SRP72: variants seen among roughly 807,000 people sequenced by gnomAD.
The protein encoded by SRP72 is signal recognition particle subunit SRP72.
In SRP72, 49 loss-of-function variants were observed where a neutral mutation model predicts 96.3. That is an observed-to-expected ratio of 0.51 (90% confidence interval 0.40 to 0.65). SRP72 has a LOEUF of 0.65. Ranked by LOEUF, SRP72 falls within the 30% of genes least tolerant of loss-of-function variation. The pLI is 0.00. For synonymous variants in SRP72, 267 were observed against 275.2 expected (o/e 0.97, Z 0.30); for missense variants, 736 against 793.3 (o/e 0.93, Z 0.87).
Position 56,483,195 on chromosome 4 carries a change from A to C in SRP72, c.882A>C (p.Val294=). The C allele has an allele frequency of 1.9e-6, 3 of 1,612,186 alleles. No individual in the cohort carries two copies. Among genetic ancestry groups the C allele is most frequent in the Non-Finnish European group, 2.5e-6 (3 of 1,179,778 alleles). The change falls in exon 9 of 19, where the codon GTA becomes GTC. Residue 294 remains valine, a synonymous_variant. Transcript: ENST00000642900. ...KKVKLTNAEG[V]EFKLSKKQLQ... ...TGAAATTAACCAATGCGGAAGGAGT[A>C]GAGTTTAAGCTTTCCAAGAAACAAC...
At chr4:56,487,922 A>G (rs1348574114) in intron 11 of SRP72, 27 bp from the exon 12 acceptor site, 1 of 1,533,642 alleles carries the variant, frequency 6.5e-7, no homozygotes, top group African/African-American at 1.4e-5. Flanking sequence ...TCTTCTATGT[A>G]ATGCTGATTT....
intron 2 of SRP72, 57 bp from the exon 3 acceptor site, chr4:56,471,654 TTGTATATAA>T: frequency 6.4e-7 from 1 of 1,568,016 alleles, no homozygotes; most frequent in South Asian, 1.2e-5. Context: ...TAGAGTGGTG[TTGTATATAA>T]TGGGTGCATT....
intron 6 of SRP72, 116 bp downstream of exon 6, chr4:56,476,818 G>T: frequency 9.4e-7 from 1 of 1,064,530 alleles, no homozygotes. Flanking sequence ...CATTAAGTAG[G>T]AATCACACTA....
At chr4:56,494,790 T>C (rs1489074911) in intron 16 of SRP72, among the ~76,000 whole-genome samples, 1 of 152,108 alleles carries the variant, frequency 6.6e-6, no homozygotes, top group Non-Finnish European at 1.5e-5. Context: ...TTAATATAGA[T>C]TTTACTTACA....
At position 56,488,595 on chromosome 4, in the gene SRP72, C is replaced by T. The variant is rs145810273; in HGVS notation, c.1224+582C>T. On this transcript the variant is annotated intron_variant, in intron 12 of 18. Coordinates refer to ENST00000642900, the MANE Select transcript of SRP72 (RefSeq NM_006947.4). ...TAAGGATCGTGCTATAATTACTTTA[C>T]CTTAGAGTCAAATACAGTATATGAC... 4.7e-4 allele frequency among the ~76,000 whole-genome samples: 72 copies of T among 152,134 alleles called. 1 individual carries two copies. The East Asian group carries it at 0.013, about 28-fold the overall frequency.
intron 8 of SRP72, among the ~76,000 whole-genome samples, chr4:56,480,649 A>C (rs1298749139): frequency 2.0e-5 from 3 of 152,206 alleles, no homozygotes. Flanking sequence ...TAACTTATAC[A>C]CTGAACTTTC....
At chr4:56,487,100 T>C (rs1720737387) in intron 11 of SRP72, among the ~76,000 whole-genome samples, 1 of 152,188 alleles carries the variant, frequency 6.6e-6, no homozygotes, top group South Asian at 2.1e-4. Flanking sequence ...TATAGGACAT[T>C]TATATCATCA....
chr4:56,478,526 C>T (rs748836259), intron 7 of SRP72, 23 bp downstream of exon 7: 2 of 1,613,260 alleles, frequency 1.2e-6, no homozygotes, highest in Admixed American at 3.3e-5. Context: ...AAGGAAGTGT[C>T]TTTTATAGGG....
chr4:56,468,702 A>C (rs1439036232), intron 1 of SRP72, among the ~76,000 whole-genome samples: 2 of 152,170 alleles, frequency 1.3e-5, no homozygotes, highest in Admixed American at 1.3e-4. Context: ...CCCACAGTGC[A>C]CTTTTGGTGA....
At chr4:56,474,432 T>A in intron 5 of SRP72, 41 bp downstream of exon 5, 1 of 1,529,182 alleles carries the variant, frequency 6.5e-7, no homozygotes, top group Non-Finnish European at 8.9e-7. Flanking sequence ...ATAACGTGCA[T>A]ATAACTTTGT....
intron 16 of SRP72, among the ~76,000 whole-genome samples, chr4:56,493,593 G>C (rs1455302175): frequency 6.6e-6 from 1 of 152,014 alleles, no homozygotes; most frequent in Non-Finnish European, 1.5e-5. Flanking sequence ...CTGACATGGT[G>C]GTGGCTCATG....
chr4:56,481,604 A>AG (rs1272016687), intron 8 of SRP72, among the ~76,000 whole-genome samples: 3 of 151,954 alleles, frequency 2.0e-5, no homozygotes, highest in Non-Finnish European at 4.4e-5. Context: ...TAAAAAAAAA[A>AG]TGGGTTCAAA....
intron 13 of SRP72, among the ~76,000 whole-genome samples, chr4:56,489,690 C>G (rs1480182615): frequency 2.0e-5 from 3 of 152,168 alleles, no homozygotes; most frequent in Admixed American, 1.3e-4. Flanking sequence ...AAAAATAGCA[C>G]ATTTATATTT....
intron 5 of SRP72, among the ~76,000 whole-genome samples, chr4:56,475,408 A>ATATATG (rs1720170132): frequency 6.6e-6 from 1 of 151,444 alleles, no homozygotes; most frequent in South Asian, 2.1e-4. Flanking sequence ...AAAAAAATAT[A>ATATATG]TATGTGGCCG....
intron 8 of SRP72, among the ~76,000 whole-genome samples, chr4:56,481,690 T>C (rs1450015753): frequency 6.6e-6 from 1 of 152,162 alleles, no homozygotes; most frequent in African/African-American, 2.4e-5. Flanking sequence ...TTTATTGTGC[T>C]TTACTTTATT....
At chr4:56,487,886 T>A (rs1720774085) in intron 11 of SRP72, 63 bp from the exon 12 acceptor site, 3 of 1,316,388 alleles carry the variant, frequency 2.3e-6, no homozygotes, top group East Asian at 5.0e-5. Context: ...GTAAAATTTC[T>A]TGTATTTTTT....
Position 56,474,173 on chromosome 4 carries a change from A to C in SRP72, c.474A>C (p.Gln158His). The C allele has an allele frequency of 6.2e-7, 1 of 1,614,258 alleles. No homozygotes were observed. The highest frequency in any genetic ancestry group is 8.5e-7 in the Non-Finnish European group (1 of 1,180,054). The change falls in exon 4 of 19, where the codon CAA becomes CAC. Residue 158 changes from glutamine (Q) to histidine (H), a missense_variant. Transcript: ENST00000642900. ...ACCTTTCAGCAGTTGTTGCAGCTCA[A>C]AGCAATTGGGAAAAAGTGGTTCCAG... The part of the protein sequence containing the change: ...KTNLSAVVAA[Q>H]SNWEKVVPEN...
chr4:56,490,786 G>T, intron 15 of SRP72, 141 bp downstream of exon 15: 1 of 669,546 alleles, frequency 1.5e-6, no homozygotes, highest in South Asian at 2.5e-5. Flanking sequence ...CAAAAAATGA[G>T]AATTTATTGA....
intron 1 of SRP72, 81 bp from the exon 2 acceptor site, chr4:56,469,572 G>GA: frequency 8.1e-6 from 11 of 1,362,994 alleles, no homozygotes; most frequent in Non-Finnish European, 1.1e-5. Context: ...TTAGCTTTCG[G>GA]AGAGACAGGG....
Sources: gnomAD v4.1 joint callset for allele counts (sites outside exome capture counted in the v4.1 genomes callset) on GRCh38, gnomAD v4.1.1 for gene constraint, MANE v1.5 for transcripts, NCBI Gene and HGNC (gene_info 2026-07-23, HGNC 2026-07-21) for gene names.